Variants in DMD observed in about 807,000 individuals in gnomAD.
DMD encodes dystrophin, also known as mutant dystrophin.
In DMD, 63 loss-of-function variants were observed where a neutral mutation model predicts 330.1. That is an observed-to-expected ratio of 0.19 (90% CI 0.16 to 0.24). DMD has a LOEUF of 0.24. Among genes scored for constraint, DMD ranks in the 10% least tolerant of loss-of-function variants. The pLI, the probability that DMD is intolerant of heterozygous loss-of-function variation, is 1.00. For missense variants in DMD, 3,344 were observed against 2,684.1 expected (o/e 1.25, Z -5.43); for synonymous variants, 1,223 against 959.8 (o/e 1.27, Z -5.07).
chrX:32,437,388 A>G (rs183543234), intron 29 of DMD, among the ~76,000 whole-genome samples: 2 of 112,152 alleles, frequency 1.8e-5, no homozygotes, highest in East Asian at 5.6e-4. Flanking sequence ...ATCTGTAAGC[A>G]TGTCAAAAGG....
chrX:31,429,076 C>T (rs1451569080), intron 60 of DMD, among the ~76,000 whole-genome samples: 1 of 107,438 alleles, frequency 9.3e-6, no homozygotes, highest in Non-Finnish European at 1.9e-5. Context: ...GAGCTGAGAT[C>T]ATGCCACTGC....
At chrX:31,539,406 T>C (rs1412043068) in intron 55 of DMD, among the ~76,000 whole-genome samples, 1 of 112,133 alleles carries the variant, frequency 8.9e-6, no homozygotes, top group African/African-American at 3.2e-5. Context: ...TCCTTAAAGA[T>C]AAATTATAAA....
chrX:32,127,083 A>T (rs755742654), intron 44 of DMD, among the ~76,000 whole-genome samples: 33 of 111,548 alleles, frequency 3.0e-4, no homozygotes, highest in African/African-American at 1.0e-3. Flanking sequence ...TCAGCACTTA[A>T]CAACTCTGTC....
At chrX:31,924,378 C>T (rs1006711694) in intron 47 of DMD, among the ~76,000 whole-genome samples, 1 of 111,794 alleles carries the variant, frequency 8.9e-6, no homozygotes, top group African/African-American at 3.3e-5. Flanking sequence ...ATAGCAAATA[C>T]GTCTGGAAAA....
chrX:32,115,270 C>G (rs1004396943), intron 44 of DMD, among the ~76,000 whole-genome samples: 1 of 111,662 alleles, frequency 9.0e-6, no homozygotes, highest in African/African-American at 3.3e-5. Flanking sequence ...GGGTCTCACT[C>G]TGTTGCCCAG....
chrX:31,508,411 C>T (rs984583328), intron 55 of DMD: 1 of 444,157 alleles, frequency 2.3e-6, no homozygotes, highest in Non-Finnish European at 3.7e-6. Context: ...CCACTTTGTA[C>T]TCCGCACTAA....
chrX:32,676,475 T>G (rs939767790), intron 9 of DMD, among the ~76,000 whole-genome samples: 11 of 111,610 alleles, frequency 9.9e-5, no homozygotes, highest in Non-Finnish European at 1.7e-4. Flanking sequence ...ACCCTATTTT[T>G]CTCAGAATTT....
intron 50 of DMD, among the ~76,000 whole-genome samples, chrX:31,802,144 T>C (rs1161526680): frequency 1.8e-5 from 2 of 108,326 alleles, no homozygotes; most frequent in Admixed American, 1.0e-4. Context: ...GGTCACACTA[T>C]ACAAGATCCT....
chrX:32,874,724 A>G (rs2083253806), intron 2 of DMD, among the ~76,000 whole-genome samples: 1 of 111,838 alleles, frequency 8.9e-6, no homozygotes, highest in Non-Finnish European at 1.9e-5. Flanking sequence ...CCAAGATTAG[A>G]TCATTATTAG....
chrX:32,394,908 C>CAAAAACAAAAACAAACAAAAAAAA (rs1557326692), intron 30 of DMD, among the ~76,000 whole-genome samples: 2 of 37,128 alleles, frequency 5.4e-5, no homozygotes, highest in African/African-American at 2.0e-4. Flanking sequence ...GAGCAAAAAA[C>CAAAAACAAAAACAAACAAAAAAAA]AAAAAAACAA....
chrX:33,173,982 A>G (rs779614937), intron 1 of DMD, among the ~76,000 whole-genome samples: 11 of 106,275 alleles, frequency 1.0e-4, no homozygotes, highest in Admixed American at 7.2e-4. Flanking sequence ...CTGGTTGTCA[A>G]TAAACATCAA....
At chrX:32,979,529 A>T (rs1380202010) in intron 2 of DMD, among the ~76,000 whole-genome samples, 1 of 111,487 alleles carries the variant, frequency 9.0e-6, no homozygotes, top group Non-Finnish European at 1.9e-5. Flanking sequence ...TAAAATTATA[A>T]TCAACCTAGA....
At chrX:31,971,332 C>T (rs2095397543) in intron 44 of DMD, among the ~76,000 whole-genome samples, 2 of 111,854 alleles carry the variant, frequency 1.8e-5, no homozygotes, top group East Asian at 2.8e-4. Context: ...CTGATGGCTA[C>T]GGTGACTTTT....
At chrX:32,745,011 C>T (rs1395179273) in intron 7 of DMD, among the ~76,000 whole-genome samples, 1 of 111,350 alleles carries the variant, frequency 9.0e-6, no homozygotes, top group Non-Finnish European at 1.9e-5. Context: ...AGCTATGATA[C>T]CTACACAACA....
intron 9 of DMD, among the ~76,000 whole-genome samples, chrX:32,672,976 C>A (rs934716190): frequency 9.0e-6 from 1 of 111,115 alleles, no homozygotes. Context: ...TACAAGAAAT[C>A]TTTAATGGAA....
chrX:33,041,711 T>A (rs2094304889), intron 1 of DMD: 22 of 1,205,871 alleles, frequency 1.8e-5, no homozygotes, highest in Non-Finnish European at 2.2e-5. Flanking sequence ...TCAGTGAAGT[T>A]AGAAGCCTGA....
intron 1 of DMD, among the ~76,000 whole-genome samples, chrX:33,100,659 C>T (rs894226309): frequency 9.0e-6 from 1 of 111,334 alleles, no homozygotes; most frequent in African/African-American, 3.3e-5. Flanking sequence ...CAGTTGCCCT[C>T]TAGCCTGGGT....
At chrX:31,914,279 G>A (rs978341177) in intron 47 of DMD, among the ~76,000 whole-genome samples, 12 of 111,393 alleles carry the variant, frequency 1.1e-4, no homozygotes, top group East Asian at 5.6e-4. Flanking sequence ...GCACACTGTT[G>A]GTAGGAATAT....
chrX:32,372,374 A>C (rs2097882459), intron 34 of DMD, among the ~76,000 whole-genome samples: 1 of 111,445 alleles, frequency 9.0e-6, no homozygotes, highest in African/African-American at 3.3e-5. Flanking sequence ...ATAACAGTCC[A>C]AGAGAGTAGG....
Sources: gnomAD v4.1 joint callset for allele counts (sites outside exome capture counted in the v4.1 genomes callset) on GRCh38, gnomAD v4.1.1 for gene constraint, MANE v1.5 for transcripts, NCBI Gene and HGNC (gene_info 2026-07-23, HGNC 2026-07-21) for gene names.